RDH10: variants seen among roughly 807,000 people sequenced by gnomAD.
RDH10 encodes retinol dehydrogenase 10 (all-trans).
In RDH10, 12 loss-of-function variants were observed where a neutral mutation model predicts 30.2. That is an observed-to-expected ratio of 0.40 (90% CI 0.25 to 0.64). The LOEUF (loss-of-function observed/expected upper bound fraction) is 0.64. Among genes scored for constraint, RDH10 ranks in the 30% least tolerant of loss-of-function variants. RDH10 has a pLI of 0.43. For missense variants in RDH10, 268 were observed against 445.2 expected (o/e 0.60, Z 3.58); for synonymous variants, 189 against 172.2 (o/e 1.10, Z -0.76).
chr8:73,320,351 A>T lies in RDH10; in HGVS notation c.625-581A>T, dbSNP rs1694467481. ...ACTTCCCCAAAGTAATATGATACTT[A>T]GTTGATGTGACAAAAAGTATTCATC... On this transcript the variant is annotated intron_variant, in intron 3 of 5. Transcript: ENST00000240285. 1.3e-5 allele frequency among the ~76,000 whole-genome samples: 2 copies of T among 152,126 alleles called. 1 individual carries two copies. The highest frequency in any genetic ancestry group is 4.1e-4 in the South Asian group (2 of 4,832).
chr8:73,298,851 G>C (rs527348245), intron 2 of RDH10, among the ~76,000 whole-genome samples: 2 of 152,112 alleles, frequency 1.3e-5, no homozygotes, highest in African/African-American at 4.8e-5. Context: ...TTTTGGTCTT[G>C]TTGCCCAGGC....
chr8:73,295,497 A>G lies in RDH10; in HGVS notation c.208A>G (p.Thr70Ala), dbSNP rs1468835590. ...GCTGCTGGTGCTGTGGGACATCAACACGCAAAGCAACGAGGAGACGGCTGG... is the reference window on the plus strand; with the variant it reads ...GCTGCTGGTGCTGTGGGACATCAACGCGCAAAGCAACGAGGAGACGGCTGG... Reference protein sequence around the residue: ...RALLVLWDINTQSNEETAGMV... With the variant: ...RALLVLWDINAQSNEETAGMV... The change falls in exon 1 of 6, where the codon ACG becomes GCG. Residue 70 changes from threonine to alanine, a missense_variant. Coordinates refer to ENST00000240285, the MANE Select transcript of RDH10 (RefSeq NM_172037.5). 3 of 1,555,770 alleles carry G rather than the reference A, an allele frequency of 1.9e-6. No individual in the cohort carries two copies. In the South Asian group the frequency reaches 3.6e-5, roughly 18 times the overall value.
intron 3 of RDH10, among the ~76,000 whole-genome samples, 196 bp from the exon 4 acceptor site, chr8:73,320,736 T>G (rs1356166553): frequency 6.6e-6 from 1 of 152,166 alleles, no homozygotes; most frequent in Non-Finnish European, 1.5e-5. Flanking sequence ...CCTCCCAAAG[T>G]GCTAGGATTA....
chr8:73,315,407 C>T (rs1042744309), intron 2 of RDH10: 7 of 287,068 alleles, frequency 2.4e-5, no homozygotes, highest in African/African-American at 1.5e-4. Flanking sequence ...TGCAGCCATA[C>T]TACCCTCCTT....
At chr8:73,310,854 A>G (rs913676560) in intron 2 of RDH10, 3 of 152,244 alleles carry the variant, frequency 2.0e-5, no homozygotes, top group African/African-American at 7.2e-5. Context: ...TGTTTAACAC[A>G]TTGAGCCTCC....
chr8:73,321,383 T>G (rs1487330548), intron 4 of RDH10, among the ~76,000 whole-genome samples: 1 of 152,262 alleles, frequency 6.6e-6, no homozygotes, highest in Admixed American at 6.5e-5. Flanking sequence ...TTATTTTGTT[T>G]CTTTAAAATT....
At chr8:73,298,151 A>G (rs900373855) in intron 2 of RDH10, 16 of 152,932 alleles carry the variant, frequency 1.0e-4, no homozygotes, top group Admixed American at 8.4e-4. Flanking sequence ...TTTCATCTCA[A>G]GTTGTCTTCA....
chr8:73,320,826 T>C lies in RDH10; in HGVS notation c.625-106T>C, dbSNP rs1814758873. 9 of 1,073,542 alleles carry C rather than the reference T, an allele frequency of 8.4e-6. No homozygotes were observed. The Middle Eastern group carries it at 1.0e-3, about 125-fold the overall frequency. 66.5% of individuals were successfully genotyped at this position (1,073,542 alleles called of 1,614,324 possible). A position where few individuals can be genotyped will look rare whatever the true frequency, so the allele number is the denominator to read the frequency against. On this transcript the variant is annotated intron_variant, in intron 3 of 5. Transcript: ENST00000240285. The stretch of plus-strand genomic sequence containing the variant: ...TTCTTTGTGTAGTCACCTGTAACCT[T>C]ATGTATTAGACATCTAAACATGGTA...
At chr8:73,320,497 G>A (rs1455693832) in intron 3 of RDH10, among the ~76,000 whole-genome samples, 1 of 145,688 alleles carries the variant, frequency 6.9e-6, no homozygotes, top group Non-Finnish European at 1.5e-5. Flanking sequence ...TTGAGACAGA[G>A]TCTCACTCTG....
intron 2 of RDH10, among the ~76,000 whole-genome samples, chr8:73,317,857 C>G (rs1196601889): frequency 2.0e-5 from 3 of 151,968 alleles, no homozygotes; most frequent in Non-Finnish European, 4.4e-5. Context: ...GAGTTCGAGG[C>G]TGCAGTGAGC....
chr8:73,295,270 G>A lies in RDH10; in HGVS notation c.-20G>A, dbSNP rs750916947. ...GCGCGGACGCAGGCACTGGGCTCGT[G>A]CGGGGCCCCGGGCGTCGCGATGAAC... On this transcript the variant is annotated 5_prime_UTR_variant, in exon 1 of 6. Transcript: ENST00000240285. 5.2e-6 allele frequency: 8 copies of A among 1,545,612 alleles called. No individual in the cohort carries two copies. The South Asian group carries it at 9.5e-5, about 18-fold the overall frequency.
intron 2 of RDH10, among the ~76,000 whole-genome samples, chr8:73,318,400 G>T (rs566149833): frequency 9.2e-5 from 14 of 152,198 alleles, no homozygotes; most frequent in Non-Finnish European, 2.1e-4. Flanking sequence ...TGTGTGGCCA[G>T]TCACTTGCAT....
intron 3 of RDH10, among the ~76,000 whole-genome samples, chr8:73,320,395 G>A (rs1170063611): frequency 6.6e-6 from 1 of 150,722 alleles, no homozygotes; most frequent in Non-Finnish European, 1.5e-5. Context: ...CTGTTGCTTT[G>A]AAAATATTAT....
chr8:73,302,985 A>G (rs1189514226), intron 2 of RDH10, among the ~76,000 whole-genome samples: 7 of 152,336 alleles, frequency 4.6e-5, no homozygotes, highest in Admixed American at 3.9e-4. Flanking sequence ...TTTGCATGGT[A>G]AAGGACTAAA....
intron 2 of RDH10, among the ~76,000 whole-genome samples, chr8:73,298,299 A>AC (rs1444135804): frequency 1.3e-5 from 2 of 152,160 alleles, no homozygotes; most frequent in African/African-American, 4.8e-5. Flanking sequence ...ATAGGATTCT[A>AC]CTTTTTTTTT....
At chr8:73,301,562 A>G (rs1366987008) in intron 2 of RDH10, among the ~76,000 whole-genome samples, 1 of 149,456 alleles carries the variant, frequency 6.7e-6, no homozygotes, top group African/African-American at 2.5e-5. Flanking sequence ...GTTCGAGACC[A>G]GCCTGGTCAA....
chr8:73,304,085 G>A (rs915996831), intron 2 of RDH10, among the ~76,000 whole-genome samples: 2 of 152,098 alleles, frequency 1.3e-5, no homozygotes, highest in African/African-American at 2.4e-5. Context: ...CCTCTTGACC[G>A]TCTCCTTGAA....
At chr8:73,298,165 A>T (rs1212641447) in intron 2 of RDH10, among the ~76,000 whole-genome samples, 1 of 152,160 alleles carries the variant, frequency 6.6e-6, no homozygotes, top group Non-Finnish European at 1.5e-5. Context: ...GTCTTCAGTA[A>T]AGGTAGGTGT....
chr8:73,319,159 A>G lies in RDH10; in HGVS notation c.589A>G (p.Ser197Gly). The G allele has an allele frequency of 6.2e-7, 1 of 1,613,780 alleles. No individual in the cohort carries two copies. Among genetic ancestry groups the G allele is most frequent in the Non-Finnish European group, 8.5e-7 (1 of 1,179,704 alleles). The change falls in exon 3 of 6, where the codon AGT becomes GGT. Residue 197 changes from serine to glycine, a missense_variant. This residue lies in a region of RDH10 where 136 missense variants were observed against 288.8 expected (regional missense o/e 0.47). Transcript: ENST00000240285. ...INHGHIVTVA[S>G]SLGLFSTAGV... ...TCATGGTCATATTGTGACAGTTGCA[A>G]GTTCCTTGGGATTGTTCAGTACTGC...
Sources: gnomAD v4.1 joint callset for allele counts (sites outside exome capture counted in the v4.1 genomes callset) on GRCh38, gnomAD v4.1.1 for gene constraint, gnomAD v4.1.1 regional missense constraint, MANE v1.5 for transcripts, NCBI Gene and HGNC (gene_info 2026-07-23, HGNC 2026-07-21) for gene names.